Variants in ZCWPW2 observed in about 807,000 individuals in gnomAD.
ZCWPW2 encodes the protein zinc finger CW-type PWWP domain protein 2.
In ZCWPW2, 45 loss-of-function variants were observed where a neutral mutation model predicts 46.6. The ratio of observed to expected loss-of-function variants is 0.96; its 90% confidence interval spans 0.76 to 1.24. ZCWPW2 has a LOEUF of 1.24. ZCWPW2 is among the 50% of genes most tolerant of loss of function. ZCWPW2 has a pLI of 0.00. For missense variants in ZCWPW2, 429 were observed against 403.9 expected, an observed-to-expected ratio of 1.06 and a Z score of -0.53; for synonymous variants, 152 against 137.1, an observed-to-expected ratio of 1.11 and a Z score of -0.76.
chr3:28,351,476 C>A (rs1365435180), intron 1 of ZCWPW2: 2 of 151,442 alleles, frequency 1.3e-5, no homozygotes. Flanking sequence ...GTAGCTTAGC[C>A]TTTTTACTTA....
At chr3:28,357,823 C>A (rs947132046) in intron 1 of ZCWPW2, among the ~76,000 whole-genome samples, 14 of 139,434 alleles carry the variant, frequency 1.0e-4, no homozygotes, top group African/African-American at 1.5e-4. Context: ...ATATATATCT[C>A]CATACATATA....
At chr3:28,395,319 T>C (rs1293934926) in intron 2 of ZCWPW2, among the ~76,000 whole-genome samples, 7 of 152,100 alleles carry the variant, frequency 4.6e-5, no homozygotes, top group Non-Finnish European at 1.0e-4. Flanking sequence ...GAATGTAAAA[T>C]GGTACAACTG....
chr3:28,459,295 G>A (rs968128274), intron 4 of ZCWPW2, among the ~76,000 whole-genome samples: 4 of 151,986 alleles, frequency 2.6e-5, no homozygotes, highest in African/African-American at 7.2e-5. Context: ...GCGTGAACCC[G>A]GGAGGCGGAG....
At chr3:28,416,836 T>G (rs1212597125) in intron 3 of ZCWPW2, among the ~76,000 whole-genome samples, 104 of 120,752 alleles carry the variant, frequency 8.6e-4, no homozygotes, top group Middle Eastern at 7.1e-3. Flanking sequence ...TTTCGTATGT[T>G]GAACCAGCCT....
At chr3:28,450,569 A>G (rs1698186718) in intron 4 of ZCWPW2, among the ~76,000 whole-genome samples, 1 of 152,172 alleles carries the variant, frequency 6.6e-6, no homozygotes, top group African/African-American at 2.4e-5. Flanking sequence ...GCACTTTTGT[A>G]GTTTTTTTAT....
At chr3:28,371,395 A>G (rs538506335) in intron 1 of ZCWPW2, among the ~76,000 whole-genome samples, 1 of 152,186 alleles carries the variant, frequency 6.6e-6, no homozygotes, top group Non-Finnish European at 1.5e-5. Flanking sequence ...TGGATAGAAA[A>G]TTACTGGGAG....
intron 1 of ZCWPW2, among the ~76,000 whole-genome samples, chr3:28,355,659 C>T (rs527419307): frequency 5.2e-4 from 79 of 152,298 alleles, no homozygotes; most frequent in Middle Eastern, 3.4e-3. Flanking sequence ...GAGATGTAGA[C>T]CAATGGAACA....
intron 4 of ZCWPW2, among the ~76,000 whole-genome samples, chr3:28,472,371 A>G (rs1699072233): frequency 6.6e-6 from 1 of 152,202 alleles, no homozygotes; most frequent in African/African-American, 2.4e-5. Context: ...TTGGCATGAA[A>G]GCAGGCACAC....
chr3:28,449,760 C>T (rs933653109), intron 4 of ZCWPW2, among the ~76,000 whole-genome samples: 1 of 152,096 alleles, frequency 6.6e-6, no homozygotes, highest in Non-Finnish European at 1.5e-5. Flanking sequence ...ATAGAAATAA[C>T]CATGAACATG....
At chr3:28,459,477 T>A (rs771647142) in intron 4 of ZCWPW2, among the ~76,000 whole-genome samples, 10 of 152,236 alleles carry the variant, frequency 6.6e-5, no homozygotes, top group Non-Finnish European at 1.5e-4. Flanking sequence ...ATATCTTCTG[T>A]GTGGTACTGG....
intron 1 of ZCWPW2, 115 bp from the exon 2 acceptor site, chr3:28,390,383 C>G: frequency 1.2e-6 from 1 of 867,216 alleles, no homozygotes; most frequent in Non-Finnish European, 1.4e-6. Flanking sequence ...AAAGTTTTTA[C>G]CAAATTTATG....
At chr3:28,441,433 G>A (rs574256483) in intron 4 of ZCWPW2, among the ~76,000 whole-genome samples, 1 of 152,298 alleles carries the variant, frequency 6.6e-6, no homozygotes, top group East Asian at 1.9e-4. Context: ...ACTGCTTGAA[G>A]TTTTGCCTAC....
chr3:28,361,040 G>T (rs1255201273), intron 1 of ZCWPW2, among the ~76,000 whole-genome samples: 3 of 152,014 alleles, frequency 2.0e-5, no homozygotes, highest in Admixed American at 6.6e-5. Flanking sequence ...TTGTGTTTAG[G>T]CTTGGGTCCC....
intron 1 of ZCWPW2, among the ~76,000 whole-genome samples, chr3:28,373,158 T>C (rs1176726366): frequency 6.6e-6 from 1 of 152,188 alleles, no homozygotes. Context: ...TGATTTCCTT[T>C]CTTTTGGATA....
chr3:28,359,833 G>A (rs535948359), intron 1 of ZCWPW2, among the ~76,000 whole-genome samples: 6 of 152,060 alleles, frequency 3.9e-5, no homozygotes, highest in East Asian at 3.9e-4. Flanking sequence ...GATTATGATC[G>A]TCCCATCTTC....
At position 28,524,556 on chromosome 3, in the gene ZCWPW2, A is replaced by AG. The variant is rs760547658; in HGVS notation, c.941dup (p.Ser315GlnfsTer4). On this transcript the variant is annotated frameshift_variant, in exon 10 of 10. Transcript: ENST00000383768. LOFTEE classifies it high-confidence loss of function. Reference sequence around the variant, plus strand: ...CTAAATGCAGCCCAGAAGCTCCTGCAGGCAGTCTGTTTGAAAACCACTATG... The same window carrying AG: ...CTAAATGCAGCCCAGAAGCTCCTGCAGGGCAGTCTGTTTGAAAACCACTATG... 6.2e-7 allele frequency: 1 copy of AG among 1,606,222 alleles called. No individual in the cohort carries two copies. The highest frequency in any genetic ancestry group is 1.1e-5 in the South Asian group (1 of 88,794).
chr3:28,408,169 G>A (rs946842025), intron 2 of ZCWPW2, among the ~76,000 whole-genome samples: 10 of 152,216 alleles, frequency 6.6e-5, no homozygotes, highest in East Asian at 1.9e-4. Context: ...TCTTCTCAGC[G>A]TTATCCACTA....
intron 1 of ZCWPW2, among the ~76,000 whole-genome samples, chr3:28,389,280 A>T (rs993070209): frequency 6.6e-6 from 1 of 152,172 alleles, no homozygotes; most frequent in East Asian, 1.9e-4. Flanking sequence ...AAGCTTTCAG[A>T]TCACTGATGG....
At chr3:28,425,501 G>T (rs1466270086) in intron 3 of ZCWPW2, among the ~76,000 whole-genome samples, 1 of 152,170 alleles carries the variant, frequency 6.6e-6, no homozygotes, top group Non-Finnish European at 1.5e-5. Context: ...TGGCCTCAGA[G>T]ATACCTAGTG....
Sources: allele counts gnomAD v4.1 joint callset (sites outside exome capture counted in the v4.1 genomes callset), GRCh38; gene constraint gnomAD v4.1.1; transcripts MANE v1.5; gene names NCBI Gene and HGNC (gene_info 2026-07-23, HGNC 2026-07-21).